ZNF385D: variants seen among roughly 807,000 people sequenced by gnomAD.
ZNF385D encodes zinc finger protein 659.
A neutral mutation model predicts 35.8 loss-of-function variants in ZNF385D; 15 were observed. The ratio of observed to expected loss-of-function variants is 0.42; its 90% CI spans 0.28 to 0.64. The LOEUF is 0.64. Among genes scored for constraint, ZNF385D ranks in the 30% least tolerant of loss-of-function variants. The pLI is 0.23. For missense variants in ZNF385D, 474 were observed against 494.6 expected (o/e 0.96, Z 0.39); for synonymous variants, 212 against 186.8 (o/e 1.13, Z -1.10).
chr3:22,075,953 G>A (rs756776412), intron 3 of ZNF385D, among the ~76,000 whole-genome samples: 6 of 151,804 alleles, frequency 4.0e-5, no homozygotes, highest in East Asian at 1.9e-4. Flanking sequence ...GATATTCTTC[G>A]CTTCTTTAAT....
chr3:22,030,290 T>TC (rs1559316638), intron 3 of ZNF385D, among the ~76,000 whole-genome samples: 2 of 102,796 alleles, frequency 1.9e-5, no homozygotes, highest in African/African-American at 8.1e-5. Flanking sequence ...TATATATATA[T>TC]ATATATATAT....
intron 2 of ZNF385D, among the ~76,000 whole-genome samples, chr3:22,357,356 C>T (rs765798432): frequency 2.6e-5 from 4 of 151,854 alleles, no homozygotes; most frequent in Non-Finnish European, 4.4e-5. Context: ...CAATTAGATG[C>T]AAGACAGATA....
At chr3:21,599,707 T>G (rs1382395521) in intron 2 of ZNF385D, among the ~76,000 whole-genome samples, 1 of 152,214 alleles carries the variant, frequency 6.6e-6, no homozygotes, top group Non-Finnish European at 1.5e-5. Context: ...GTCTGAAGAT[T>G]TAAAAATCTC....
chr3:22,279,133 TG>T (rs1319061791), intron 2 of ZNF385D, among the ~76,000 whole-genome samples: 1 of 152,026 alleles, frequency 6.6e-6, no homozygotes, highest in African/African-American at 2.4e-5. Context: ...CAATAGGTTT[TG>T]GGGGAACAGG....
chr3:21,737,885 C>T (rs1474262015), intron 1 of ZNF385D, among the ~76,000 whole-genome samples: 1 of 152,200 alleles, frequency 6.6e-6, no homozygotes, highest in Non-Finnish European at 1.5e-5. Context: ...GGCACAAACT[C>T]ACACAGGTAA....
intron 1 of ZNF385D, among the ~76,000 whole-genome samples, chr3:21,736,745 C>G (rs62236189): frequency 0.17 from 26,445 of 152,120 alleles, 2,724 homozygotes; most frequent in Admixed American, 0.31. Flanking sequence ...GACAAAAAAG[C>G]AGAAGCTGTT....
chr3:21,807,230 A>G (rs1035297068), intron 3 of ZNF385D, among the ~76,000 whole-genome samples: 8 of 152,168 alleles, frequency 5.3e-5, no homozygotes, highest in Non-Finnish European at 1.2e-4. Context: ...GATATTTTGC[A>G]TTTTTTATAA....
At chr3:22,094,385 G>GATATATATATATATATATATATATATAT (rs140274686) in intron 3 of ZNF385D, among the ~76,000 whole-genome samples, 4 of 70,824 alleles carry the variant, frequency 5.6e-5, no homozygotes, top group African/African-American at 1.7e-4. Context: ...ATTTATTGTT[G>GATATATATATATATATATATATATATAT]ATATATATAT....
chr3:22,061,645 T>C (rs942842719), intron 3 of ZNF385D, among the ~76,000 whole-genome samples: 3 of 152,190 alleles, frequency 2.0e-5, no homozygotes, highest in Non-Finnish European at 4.4e-5. Flanking sequence ...AGTTCATCCA[T>C]ACAATGAGTG....
chr3:21,712,010 A>G (rs1184615010), intron 1 of ZNF385D, among the ~76,000 whole-genome samples: 1 of 151,960 alleles, frequency 6.6e-6, no homozygotes, highest in Non-Finnish European at 1.5e-5. Context: ...AATACTATCT[A>G]ATTATTTATT....
intron 3 of ZNF385D, among the ~76,000 whole-genome samples, chr3:22,125,821 CT>C (rs1270360141): frequency 1.3e-5 from 2 of 151,946 alleles, no homozygotes; most frequent in African/African-American, 4.8e-5. Context: ...TTGGTGAAGT[CT>C]TTAGGTATTT....
chr3:22,183,880 T>G (rs1226369186), intron 2 of ZNF385D, among the ~76,000 whole-genome samples: 1 of 152,080 alleles, frequency 6.6e-6, no homozygotes, highest in Non-Finnish European at 1.5e-5. Flanking sequence ...TTTTTGCATT[T>G]TTTATATTTT....
intron 2 of ZNF385D, among the ~76,000 whole-genome samples, chr3:21,598,638 A>G (rs2064193179): frequency 6.6e-6 from 1 of 152,192 alleles, no homozygotes; most frequent in South Asian, 2.1e-4. Context: ...GAAAAAAATG[A>G]CTCAAGATTT....
At chr3:21,527,939 A>T (rs1399629426) in intron 3 of ZNF385D, among the ~76,000 whole-genome samples, 1 of 152,192 alleles carries the variant, frequency 6.6e-6, no homozygotes, top group Non-Finnish European at 1.5e-5. Flanking sequence ...TGTATTATTT[A>T]AATGACTTTA....
intron 3 of ZNF385D, among the ~76,000 whole-genome samples, chr3:22,008,923 G>C (rs1361149415): frequency 6.6e-6 from 1 of 152,116 alleles, no homozygotes; most frequent in Admixed American, 6.5e-5. Flanking sequence ...TCTAACATAG[G>C]AAGGCAGATT....
chr3:22,268,810 T>C (rs572038073), intron 2 of ZNF385D, among the ~76,000 whole-genome samples: 1 of 152,098 alleles, frequency 6.6e-6, no homozygotes, highest in Admixed American at 6.6e-5. Context: ...CCCATGCATT[T>C]TTACTTGCTA....
At chr3:22,230,357 G>A (rs1260918951) in intron 2 of ZNF385D, among the ~76,000 whole-genome samples, 4 of 152,058 alleles carry the variant, frequency 2.6e-5, no homozygotes, top group African/African-American at 4.8e-5. Flanking sequence ...TCTGGCTCAC[G>A]TTACTTCCAG....
At chr3:21,704,773 G>A (rs2067836262) in intron 1 of ZNF385D, among the ~76,000 whole-genome samples, 1 of 152,180 alleles carries the variant, frequency 6.6e-6, no homozygotes, top group Non-Finnish European at 1.5e-5. Flanking sequence ...ACCTAGAACA[G>A]TACCTGACAC....
At chr3:21,546,504 G>A (rs747108594) in intron 3 of ZNF385D, among the ~76,000 whole-genome samples, 3 of 151,976 alleles carry the variant, frequency 2.0e-5, no homozygotes, top group East Asian at 1.9e-4. Flanking sequence ...GGAGGACTCA[G>A]TTCCACAGTT....
Sources: gnomAD v4.1 joint callset for allele counts (sites outside exome capture counted in the v4.1 genomes callset) on GRCh38, gnomAD v4.1.1 for gene constraint, MANE v1.5 for transcripts, NCBI Gene and HGNC (gene_info 2026-07-23, HGNC 2026-07-21) for gene names.